Variants in LRRTM4 observed in about 807,000 individuals in gnomAD.
LRRTM4 encodes leucine rich repeat transmembrane neuronal 4, also known as leucine-rich repeat transmembrane neuronal protein 4.
A neutral mutation model predicts 47.6 loss-of-function variants in LRRTM4; 25 were observed. The ratio of observed to expected loss-of-function variants is 0.53; its 90% CI spans 0.38 to 0.73. The LOEUF (loss-of-function observed/expected upper bound fraction) is 0.73, where lower values mean the gene tolerates loss of function less well. LRRTM4 is among the 30% of genes least tolerant of loss of function. LRRTM4 has a pLI of 0.00. For missense variants in LRRTM4, 638 were observed against 713.4 expected, an observed-to-expected ratio of 0.89 and a Z score of 1.20; for synonymous variants, 311 against 269.5, an observed-to-expected ratio of 1.15 and a Z score of -1.51.
chr2:77,269,097 T>C (rs1482875915), intron 3 of LRRTM4, among the ~76,000 whole-genome samples: 1 of 152,202 alleles, frequency 6.6e-6, no homozygotes, highest in Admixed American at 6.5e-5. Flanking sequence ...ATTTTCTAGA[T>C]CTCAGCTGAA....
intron 3 of LRRTM4, among the ~76,000 whole-genome samples, chr2:77,165,349 A>G (rs1672850362): frequency 6.6e-6 from 1 of 152,134 alleles, no homozygotes; most frequent in South Asian, 2.1e-4. Flanking sequence ...AAAGTCCAGG[A>G]CCGACAGATT....
chr2:77,156,634 A>G (rs980979342), intron 3 of LRRTM4, among the ~76,000 whole-genome samples: 1 of 152,162 alleles, frequency 6.6e-6, no homozygotes, highest in African/African-American at 2.4e-5. Context: ...CAGTGCCAAC[A>G]AATGCATTTG....
chr2:76,998,535 A>T (rs1433767744), intron 3 of LRRTM4, among the ~76,000 whole-genome samples: 1 of 152,138 alleles, frequency 6.6e-6, no homozygotes, highest in African/African-American at 2.4e-5. Context: ...AATAATGTCA[A>T]CAACCAACTA....
chr2:77,409,967 C>T (rs574112583), intron 3 of LRRTM4, among the ~76,000 whole-genome samples: 1 of 152,192 alleles, frequency 6.6e-6, no homozygotes, highest in Admixed American at 6.5e-5. Flanking sequence ...ATAGAGACAG[C>T]CCAGATTAAT....
chr2:76,798,164 A>C (rs1675455264), intron 3 of LRRTM4, among the ~76,000 whole-genome samples: 1 of 152,138 alleles, frequency 6.6e-6, no homozygotes, highest in East Asian at 1.9e-4. Context: ...TCAGCACCGC[A>C]CCACACCTAT....
At chr2:77,224,023 TG>T (rs996767154) in intron 3 of LRRTM4, among the ~76,000 whole-genome samples, 4 of 151,286 alleles carry the variant, frequency 2.6e-5, no homozygotes, top group African/African-American at 9.7e-5. Flanking sequence ...TATAGACCAA[TG>T]GAACAGAACA....
chr2:77,465,546 T>C (rs1174303156), intron 3 of LRRTM4, among the ~76,000 whole-genome samples: 1 of 152,124 alleles, frequency 6.6e-6, no homozygotes, highest in East Asian at 1.9e-4. Flanking sequence ...CTTTAATCCA[T>C]AAGGGGTTGC....
At chr2:77,479,511 C>A (rs749168583) in intron 3 of LRRTM4, among the ~76,000 whole-genome samples, 3 of 152,176 alleles carry the variant, frequency 2.0e-5, no homozygotes, top group Non-Finnish European at 4.4e-5. Context: ...GGATGCTAAT[C>A]TCTCCAGACT....
chr2:77,000,667 T>A (rs547626805), intron 3 of LRRTM4, among the ~76,000 whole-genome samples: 1 of 152,258 alleles, frequency 6.6e-6, no homozygotes, highest in Non-Finnish European at 1.5e-5. Context: ...AAAAGAGAGA[T>A]TCATGTTTTG....
intron 3 of LRRTM4, among the ~76,000 whole-genome samples, chr2:76,861,378 AT>A (rs544848840): frequency 6.6e-6 from 1 of 151,800 alleles, no homozygotes; most frequent in African/African-American, 2.4e-5. Context: ...AATTGATTTG[AT>A]TTTTTTTCCC....
Position 77,160,457 on chromosome 2 carries a change from T to G in LRRTM4, c.1551+357861A>C, listed in dbSNP as rs147820052. Among the ~76,000 whole-genome samples, 795 of 152,172 alleles carry G rather than the reference T, an allele frequency of 5.2e-3. 9 individuals are homozygous for G. The highest frequency in any genetic ancestry group is 0.019 in the African/African-American group (770 of 41,512). ...TGTAAATCACTTCAGTATTTTAGTG[T>G]TGAACTTATAGATTCCATATAGCCA... On this transcript the variant is annotated intron_variant, in intron 3 of 3. Transcript: ENST00000409884.
intron 3 of LRRTM4, among the ~76,000 whole-genome samples, chr2:77,077,540 G>C (rs1474502843): frequency 6.6e-6 from 1 of 152,030 alleles, no homozygotes; most frequent in Non-Finnish European, 1.5e-5. Flanking sequence ...GAGCATGGTG[G>C]AAAACCCAGT....
intron 3 of LRRTM4, among the ~76,000 whole-genome samples, chr2:77,051,123 ATAGT>A (rs1202637403): frequency 6.6e-6 from 1 of 151,736 alleles, no homozygotes; most frequent in Non-Finnish European, 1.5e-5. Context: ...GATATTTTTG[ATAGT>A]TAGGATATGG....
At chr2:76,972,564 T>C (rs926833398) in intron 3 of LRRTM4, among the ~76,000 whole-genome samples, 5 of 151,672 alleles carry the variant, frequency 3.3e-5, no homozygotes, top group African/African-American at 1.2e-4. Context: ...ACTACAGTTG[T>C]GCGCCACCAC....
intron 3 of LRRTM4, among the ~76,000 whole-genome samples, chr2:77,221,329 T>C (rs1472687873): frequency 6.6e-6 from 1 of 152,152 alleles, no homozygotes; most frequent in African/African-American, 2.4e-5. Flanking sequence ...AACATCATCA[T>C]GACAGGATCA....
chr2:77,386,677 A>T (rs1197844211), intron 3 of LRRTM4, among the ~76,000 whole-genome samples: 3 of 152,070 alleles, frequency 2.0e-5, no homozygotes, highest in Non-Finnish European at 4.4e-5. Context: ...GAATCGCCAC[A>T]CTGTCTTCCA....
intron 3 of LRRTM4, among the ~76,000 whole-genome samples, chr2:77,471,038 A>G (rs899195838): frequency 3.3e-5 from 5 of 152,086 alleles, no homozygotes; most frequent in Non-Finnish European, 5.9e-5. Flanking sequence ...TCTGATGTCT[A>G]TGTATCTATC....
chr2:76,944,340 A>G (rs1675253874), intron 3 of LRRTM4, among the ~76,000 whole-genome samples: 1 of 152,172 alleles, frequency 6.6e-6, no homozygotes, highest in South Asian at 2.1e-4. Context: ...AGGGGCTCTC[A>G]TGGTACTGTA....
intron 3 of LRRTM4, among the ~76,000 whole-genome samples, chr2:77,220,448 A>G (rs556548069): frequency 4.6e-5 from 7 of 152,206 alleles, no homozygotes; most frequent in Non-Finnish European, 8.8e-5. Context: ...AAAGAAGTTA[A>G]AAACGTTGAA....
Sources: allele counts gnomAD v4.1 joint callset (sites outside exome capture counted in the v4.1 genomes callset), GRCh38; gene constraint gnomAD v4.1.1; transcripts MANE v1.5; gene names NCBI Gene and HGNC (gene_info 2026-07-23, HGNC 2026-07-21).